Variants in ACTN1 observed in about 807,000 individuals in gnomAD.
ACTN1 encodes alpha-actinin-1.
Under a neutral mutation model 119.6 loss-of-function variants are expected in ACTN1, and 30 were observed. The ratio of observed to expected loss-of-function variants is 0.25; its 90% CI spans 0.19 to 0.34. The LOEUF (loss-of-function observed/expected upper bound fraction) is 0.34, where lower values mean the gene tolerates loss of function less well. ACTN1 is among the 10% of genes least tolerant of loss of function. The pLI, the probability that ACTN1 is intolerant of heterozygous loss-of-function variation, is 1.00. For missense variants in ACTN1, 764 were observed against 1,223.4 expected (o/e 0.62, Z 5.60); for synonymous variants, 429 against 472.6 (o/e 0.91, Z 1.20).
chr14:68,920,904 C>T lies in ACTN1; in HGVS notation c.340+102G>A, dbSNP rs149393798. Reference sequence around the variant, plus strand: ...TGCTGGGGACCCACTGCCCAATGCCCCCAAGTGATGCATGGGCCCAGGAGG... The same window carrying T: ...TGCTGGGGACCCACTGCCCAATGCCTCCAAGTGATGCATGGGCCCAGGAGG... On this transcript the variant is annotated intron_variant, in intron 3 of 21. Transcript: ENST00000394419. 3.3e-4 allele frequency: 496 copies of T among 1,501,732 alleles called. 2 individuals carry two copies. In the African/African-American group the frequency reaches 5.2e-3, roughly 16 times the overall value. The allele number at this position is 1,501,732 out of a possible 1,614,324, so 93.0% of individuals were successfully genotyped here. A position where few individuals can be genotyped will look rare whatever the true frequency, so the allele number is the denominator to read the frequency against.
intron 21 of ACTN1, 197 bp from the exon 22 acceptor site, chr14:68,875,214 TTCTC>T: frequency 1.4e-6 from 2 of 1,432,434 alleles, no homozygotes; most frequent in Non-Finnish European, 1.8e-6. Context: ...ATTTTTAAAA[TTCTC>T]TCAGGTTTTC....
At chr14:68,911,676 A>G (rs544994076) in intron 4 of ACTN1, among the ~76,000 whole-genome samples, 1 of 152,380 alleles carries the variant, frequency 6.6e-6, no homozygotes, top group Admixed American at 6.5e-5. Flanking sequence ...AAATACAGGC[A>G]TAGCAGACAT....
In ACTN1 at chr14:68,909,434, T is replaced by C. The variant is rs2033866180; in HGVS notation, c.516-38A>G. Reference sequence around the variant, plus strand: ...AGAGAAGAAGGAGCAGGCTGGTAAATGAGGCTGAACAAACGGGCAACCAGG... The same window carrying C: ...AGAGAAGAAGGAGCAGGCTGGTAAACGAGGCTGAACAAACGGGCAACCAGG... On this transcript the variant is annotated intron_variant, in intron 5 of 21. Transcript: ENST00000394419. This position sits in a 1 kb window ranked among gnomAD's most constrained non-coding sequence, Gnocchi z 4.1. The C allele has an allele frequency of 3.1e-6, 5 of 1,609,818 alleles. No individual in the cohort carries two copies. The highest frequency in any genetic ancestry group is 1.1e-5 in the South Asian group (1 of 90,894).
At position 68,878,509 on chromosome 14, in the gene ACTN1, C is replaced by A; in HGVS notation, c.2376G>T (p.Met792Ile). The change falls in exon 20 of 22, where the codon ATG becomes ATT. Residue 792 changes from methionine to isoleucine, a missense_variant. Physicochemically the swap from Met to Ile is conservative, Grantham distance 10. This residue lies in a region of ACTN1 where 544 missense variants were observed against 912.0 expected (regional missense o/e 0.60). Transcript: ENST00000394419. This position sits in a 1 kb window ranked among gnomAD's most constrained non-coding sequence, Gnocchi z 4.4. ...IGNDPQKKTG[M>I]MDTDDFRACL... is the part of the protein sequence containing the mutation. ...AGGCGCGGAAATCATCCGTGTCCAT[C>A]ATGCCTGTCTTCTTCTGTGGGGGGC... 1 of 1,599,218 alleles carries A rather than the reference C, an allele frequency of 6.3e-7. No homozygotes were observed. The highest frequency in any genetic ancestry group is 8.5e-7 in the Non-Finnish European group (1 of 1,171,590).
chr14:68,890,311 C>T, intron 10 of ACTN1, 25 bp from the exon 11 acceptor site: 1 of 1,613,320 alleles, frequency 6.2e-7, no homozygotes, highest in Non-Finnish European at 8.5e-7. Context: ...GGTACAGGGT[C>T]AGGGTCTGGC....
chr14:68,879,079 C>A lies in ACTN1; in HGVS notation c.2281-10G>T, dbSNP rs771815018. The A allele has an allele frequency of 1.2e-6, 2 of 1,601,332 alleles. No individual in the cohort carries two copies. The highest frequency in any genetic ancestry group is 3.4e-5 in the Admixed American group (2 of 59,360). The stretch of plus-strand genomic sequence containing the variant: ...GTGTGCCGGAGTGATCCTGGGGCCG[C>A]GGTGCGCCAGGCAGCGAGCCATGCG... On this transcript the variant is annotated splice_polypyrimidine_tract_variant and intron_variant, in intron 18 of 21. Transcript: ENST00000394419. The surrounding 1 kb of genome is among the most constrained non-coding windows in gnomAD (Gnocchi z 4.9).
chr14:68,929,368 C>G (rs1319381341), intron 1 of ACTN1, among the ~76,000 whole-genome samples: 1 of 152,144 alleles, frequency 6.6e-6, no homozygotes, highest in South Asian at 2.1e-4. Context: ...GGCCCCAAGA[C>G]CTCCAGCCTG....
In ACTN1 at chr14:68,882,675, G is replaced by T; in HGVS notation, c.1819-83C>A. On this transcript the variant is annotated intron_variant, in intron 15 of 21. Coordinates refer to ENST00000394419, the MANE Select transcript of ACTN1 (RefSeq NM_001130004.2). This position sits in a 1 kb window ranked among gnomAD's most constrained non-coding sequence, Gnocchi z 4.5. The stretch of plus-strand genomic sequence containing the variant: ...AGATGAGGAAATGGAGGACCCAGAA[G>T]GGGAAGGGCCGGTCAGTAACAGAAC... 6.3e-7 allele frequency: 1 copy of T among 1,588,714 alleles called. No individual in the cohort carries two copies. The highest frequency in any genetic ancestry group is 2.2e-5 in the East Asian group (1 of 44,562).
At chr14:68,921,736 G>A (rs975204539) in intron 2 of ACTN1, among the ~76,000 whole-genome samples, 2 of 152,146 alleles carry the variant, frequency 1.3e-5, no homozygotes, top group Non-Finnish European at 2.9e-5. Flanking sequence ...GGTCACTCAA[G>A]TATTATGGAC....
chr14:68,880,126 G>A lies in ACTN1; in HGVS notation c.2134-18C>T, dbSNP rs1335072747. ...CGGATGTGCTGCAGGACGGCAAGGG[G>A]CCTGTCAGCAAAGGGGTCCCAGGCC... On this transcript the variant is annotated intron_variant, in intron 17 of 21. Coordinates refer to ENST00000394419, the MANE Select transcript of ACTN1 (RefSeq NM_001130004.2). The surrounding 1 kb of genome is among the most constrained non-coding windows in gnomAD (Gnocchi z 4.6). 3 of 1,611,786 alleles carry A rather than the reference G, an allele frequency of 1.9e-6. No individual in the cohort carries two copies. In the South Asian group the frequency reaches 3.3e-5, roughly 18 times the overall value.
In ACTN1 at chr14:68,879,964, G is replaced by A. The variant is rs781540049; in HGVS notation, c.2278C>T (p.Arg760Trp). 2.4e-5 allele frequency: 39 copies of A among 1,613,918 alleles called. No homozygotes were observed. Among genetic ancestry groups the A allele is most frequent in the Non-Finnish European group, 3.0e-5 (35 of 1,179,912 alleles). The change falls in exon 18 of 22, where the codon CGG (arginine) becomes TGG (tryptophan). Residue 760 changes from arginine (R) to tryptophan (W), a missense_variant and splice_region_variant. This residue lies in a region of ACTN1 where 544 missense variants were observed against 912.0 expected (regional missense o/e 0.60). Transcript: ENST00000394419. The surrounding 1 kb of genome is among the most constrained non-coding windows in gnomAD (Gnocchi z 4.9). ...EFRASFNHFD[R>W]DHSGTLGPEE... ...AAAGCACAGGATGGGGCTCTCACCC[G>A]GTCAAAGTGGTTGAAGGAGGCCCGG...
At chr14:68,938,198 T>C (rs1265174635) in intron 1 of ACTN1, among the ~76,000 whole-genome samples, 4 of 152,146 alleles carry the variant, frequency 2.6e-5, no homozygotes, top group African/African-American at 9.7e-5. Context: ...TTCGGGAACA[T>C]CTCCACCCAG....
chr14:68,912,371 G>A (rs2034057594), intron 3 of ACTN1, 129 bp from the exon 4 acceptor site: 2 of 739,196 alleles, frequency 2.7e-6, no homozygotes, highest in Non-Finnish European at 4.6e-6. Flanking sequence ...ACTTCTAGAG[G>A]GAAACAGGAT....
At chr14:68,938,207 A>ACT (rs2035615896) in intron 1 of ACTN1, among the ~76,000 whole-genome samples, 4 of 152,216 alleles carry the variant, frequency 2.6e-5, no homozygotes, top group Non-Finnish European at 5.9e-5. Flanking sequence ...ATCTCCACCC[A>ACT]GATCTGCCCA....
intron 2 of ACTN1, 31 bp from the exon 3 acceptor site, chr14:68,921,156 G>A (rs1345883779): frequency 1.2e-6 from 2 of 1,612,428 alleles, no homozygotes; most frequent in Non-Finnish European, 1.7e-6. Context: ...GAAGAGGAAG[G>A]TGAGACGCTA....
At chr14:68,893,319 T>G (rs2032637674) in intron 9 of ACTN1, among the ~76,000 whole-genome samples, 1 of 152,152 alleles carries the variant, frequency 6.6e-6, no homozygotes, top group Non-Finnish European at 1.5e-5. Flanking sequence ...GTGCTCCTTT[T>G]CTCACTGAAG....
chr14:68,893,654 C>T lies in ACTN1; in HGVS notation c.855+1G>A. The T allele has an allele frequency of 6.2e-7, 1 of 1,613,944 alleles. No individual in the cohort carries two copies. The highest frequency in any genetic ancestry group is 1.1e-5 in the South Asian group (1 of 91,066). On this transcript the variant is annotated splice_donor_variant, in intron 9 of 21. Transcript: ENST00000394419. LOFTEE classifies it high-confidence loss of function. ...GGCCAGGTGAACCCGGGGGTACCCA[C>T]ATCACTGGCCAGCTTCTCGTAGTCT...
chr14:68,963,584 T>G (rs1346003074), intron 1 of ACTN1, among the ~76,000 whole-genome samples: 1 of 152,208 alleles, frequency 6.6e-6, no homozygotes, highest in Non-Finnish European at 1.5e-5. Flanking sequence ...TCAGAAACTT[T>G]CCTCCCACCT....
chr14:68,930,288 C>T (rs868752218), intron 1 of ACTN1, among the ~76,000 whole-genome samples: 1 of 152,126 alleles, frequency 6.6e-6, no homozygotes, highest in Admixed American at 6.5e-5. Flanking sequence ...ATAATTTTAG[C>T]ATAGTAATGT....
Sources: allele counts gnomAD v4.1 joint callset (sites outside exome capture counted in the v4.1 genomes callset), GRCh38; gene constraint gnomAD v4.1.1; regional missense constraint gnomAD v4.1.1; non-coding constraint Gnocchi (gnomAD v3.1); transcripts MANE v1.5; gene names NCBI Gene and HGNC (gene_info 2026-07-23, HGNC 2026-07-21).